Variants in PCSK1 observed in about 807,000 individuals in gnomAD.
The protein encoded by PCSK1 is proprotein convertase subtilisin/kexin type 1.
Under a neutral mutation model 90.6 loss-of-function variants are expected in PCSK1, and 56 were observed. That is an observed-to-expected ratio of 0.62 (90% confidence interval 0.50 to 0.77). The LOEUF is 0.77. Among genes scored for constraint, PCSK1 ranks in the 30% least tolerant of loss-of-function variants. The probability of loss-of-function intolerance (pLI) is 0.00; values close to 1 mark genes in which losing one functional copy is unlikely to be tolerated. For synonymous variants in PCSK1, 348 were observed against 342.4 expected (o/e 1.02, Z -0.18); for missense variants, 801 against 932.6 (o/e 0.86, Z 1.84).
At chr5:96,424,817 G>T (rs1367436182) in intron 3 of PCSK1, among the ~76,000 whole-genome samples, 1 of 151,934 alleles carries the variant, frequency 6.6e-6, no homozygotes, top group East Asian at 1.9e-4. Flanking sequence ...ACAAAAATTA[G>T]CTGGGCATGG....
intron 3 of PCSK1, among the ~76,000 whole-genome samples, chr5:96,424,346 T>C (rs919625749): frequency 6.6e-6 from 1 of 152,128 alleles, no homozygotes; most frequent in Non-Finnish European, 1.5e-5. Flanking sequence ...TGTACACAGA[T>C]TGTTGGCCAA....
At chr5:96,405,724 A>C (rs144729416) in intron 9 of PCSK1, among the ~76,000 whole-genome samples, 1 of 152,204 alleles carries the variant, frequency 6.6e-6, no homozygotes, top group Non-Finnish European at 1.5e-5. Context: ...ATTTTCCACT[A>C]TACAGAAAAA....
At chr5:96,400,854 G>A (rs1225730426) in intron 9 of PCSK1, among the ~76,000 whole-genome samples, 2 of 123,914 alleles carry the variant, frequency 1.6e-5, no homozygotes, top group Admixed American at 7.4e-5. Flanking sequence ...TTGGGAGGCC[G>A]AGGCGGGCGG....
At chr5:96,395,628 A>ACC (rs557438116) in intron 12 of PCSK1, among the ~76,000 whole-genome samples, 2,562 of 152,198 alleles carry the variant, frequency 0.017, 79 homozygotes, top group African/African-American at 0.058. Context: ...AACATCACAC[A>ACC]ATGGGCCTGT....
At chr5:96,421,856 TCA>T in intron 5 of PCSK1, 22 bp downstream of exon 5, 1 of 1,242,100 alleles carries the variant, frequency 8.1e-7, no homozygotes, top group Non-Finnish European at 1.2e-6. Context: ...GTACTTTATT[TCA>T]CACAAATGCA....
Position 96,429,273 on chromosome 5 carries a change from G to A in PCSK1, c.225C>T (p.His75=). The change falls in exon 2 of 14, where the codon CAC becomes CAT. Residue 75 remains histidine, a synonymous_variant. Coordinates refer to ENST00000311106, the MANE Select transcript of PCSK1 (RefSeq NM_000439.5). ...AGGCACTCCTTCGAGACCTTCTGGG[G>A]TGGTTTTTATGTTTGAATAAGTAGT... ...ENHYLFKHKN[H]PRRSRRSAFH... The A allele has an allele frequency of 6.2e-7, 1 of 1,604,064 alleles. No homozygotes were observed. The highest frequency in any genetic ancestry group is 8.5e-7 in the Non-Finnish European group (1 of 1,171,062).
chr5:96,405,099 G>C (rs912656270), intron 9 of PCSK1, among the ~76,000 whole-genome samples: 3 of 152,156 alleles, frequency 2.0e-5, no homozygotes, highest in Non-Finnish European at 4.4e-5. Context: ...CAATTGAATA[G>C]AGTTCAGAAA....
chr5:96,412,888 T>TTGGGGGG, intron 6 of PCSK1: 1 of 359,504 alleles, frequency 2.8e-6, no homozygotes, highest in Non-Finnish European at 4.2e-6. Context: ...ACAAAATGTT[T>TTGGGGGG]GCCCTCCCTC....
At chr5:96,432,222 G>A in intron 1 of PCSK1, 1 of 1,102,110 alleles carries the variant, frequency 9.1e-7, no homozygotes. Context: ...TCCCTAGAGA[G>A]TCGCGGGGAT....
chr5:96,422,866 G>A (rs1761171078), intron 4 of PCSK1, among the ~76,000 whole-genome samples: 1 of 149,872 alleles, frequency 6.7e-6, no homozygotes, highest in Admixed American at 6.6e-5. Flanking sequence ...TAGGTGCATT[G>A]TGTGGTATTC....
At chr5:96,429,064 T>C in intron 2 of PCSK1, 149 bp downstream of exon 2, 1 of 587,436 alleles carries the variant, frequency 1.7e-6, no homozygotes, top group Non-Finnish European at 3.0e-6. Flanking sequence ...TATAATTTTA[T>C]GGAAAGAAAT....
At position 96,397,431 on chromosome 5, in the gene PCSK1, T is replaced by A; in HGVS notation, c.1627A>T (p.Thr543Ser). The change falls in exon 12 of 14, where the codon ACA becomes TCA. Residue 543 changes from threonine to serine, a missense_variant. Physicochemically the swap from Thr to Ser is moderately conservative, Grantham distance 58. Coordinates refer to ENST00000311106, the MANE Select transcript of PCSK1 (RefSeq NM_000439.5). Reference protein sequence around the residue: ...TVLLAERERDTSPNGFKNWDF... With the variant: ...TVLLAERERDSSPNGFKNWDF... ...CAATTCTTAAAGCCATTAGGAGATGTATCCCGTTCTCTTTCAGCCAAGAGC... is the reference window on the plus strand; with the variant it reads ...CAATTCTTAAAGCCATTAGGAGATGAATCCCGTTCTCTTTCAGCCAAGAGC... 1.2e-6 allele frequency: 2 copies of A among 1,612,588 alleles called. No homozygotes were observed. Among genetic ancestry groups the A allele is most frequent in the Non-Finnish European group, 1.7e-6 (2 of 1,178,582 alleles).
chr5:96,425,728 T>TAAA, intron 3 of PCSK1, 92 bp downstream of exon 3: 3 of 655,138 alleles, frequency 4.6e-6, no homozygotes, highest in Non-Finnish European at 5.4e-6. Flanking sequence ...TTCTCCATCA[T>TAAA]AAAAAAAAAA....
In PCSK1 at chr5:96,416,016, A is replaced by G. The variant is rs1265375081; in HGVS notation, c.709+17T>C. ...CACATTAAAATGCCAAGCTATAGGGACAATCCTCTGTTTTACCTCCAACTT... is the reference window on the plus strand; with the variant it reads ...CACATTAAAATGCCAAGCTATAGGGGCAATCCTCTGTTTTACCTCCAACTT... On this transcript the variant is annotated intron_variant, in intron 6 of 13. Coordinates refer to ENST00000311106, the MANE Select transcript of PCSK1 (RefSeq NM_000439.5). 1.3e-6 allele frequency: 2 copies of G among 1,517,642 alleles called. No individual in the cohort carries two copies. The highest frequency in any genetic ancestry group is 1.4e-5 in the African/African-American group (1 of 73,148). 94.0% of individuals were successfully genotyped at this position (1,517,642 alleles called of 1,614,324 possible).
In PCSK1 at chr5:96,412,345, C is replaced by G; in HGVS notation, c.855G>C (p.Gln285His). The change falls in exon 7 of 14, where the codon CAG (glutamine) becomes CAC (histidine). Residue 285 changes from glutamine to histidine, a missense_variant. By Grantham distance (24) the Gln-to-His change is conservative. Transcript: ENST00000311106. ...KTVEGPGRLAQKAFEYGVKQG... is the reference protein window; with the variant it reads ...KTVEGPGRLAHKAFEYGVKQG... Reference sequence around the variant, plus strand: ...GTTTGACACCATATTCAAAAGCCTTCTGGGCTAGCCGGCCAGGCCCCTCCA... The same window carrying G: ...GTTTGACACCATATTCAAAAGCCTTGTGGGCTAGCCGGCCAGGCCCCTCCA... 6.2e-7 allele frequency: 1 copy of G among 1,614,186 alleles called. No homozygotes were observed. The highest frequency in any genetic ancestry group is 8.5e-7 in the Non-Finnish European group (1 of 1,180,026).
At chr5:96,398,147 T>A (rs942602817) in intron 11 of PCSK1, among the ~76,000 whole-genome samples, 1 of 152,146 alleles carries the variant, frequency 6.6e-6, no homozygotes, top group Non-Finnish European at 1.5e-5. Context: ...TTCCAATACA[T>A]CTAGAAAGCA....
Position 96,416,136 on chromosome 5 carries a change from A to G in PCSK1, c.621-15T>C. 6.5e-7 allele frequency: 1 copy of G among 1,537,406 alleles called. No homozygotes were observed. The highest frequency in any genetic ancestry group is 9.0e-7 in the Non-Finnish European group (1 of 1,110,130). ...TGGTCCCGTGTCTGAGGATTGAAAA[A>G]TAAGAATTATAAAACATACAGAAGA... On this transcript the variant is annotated splice_polypyrimidine_tract_variant and intron_variant, in intron 5 of 13. Transcript: ENST00000311106.
intron 5 of PCSK1, among the ~76,000 whole-genome samples, chr5:96,419,639 C>G (rs1228482109): frequency 6.6e-6 from 1 of 151,846 alleles, no homozygotes; most frequent in African/African-American, 2.4e-5. Flanking sequence ...ATGACATGCT[C>G]TCTCAATGCT....
chr5:96,401,060 C>T (rs1580747774), intron 9 of PCSK1, among the ~76,000 whole-genome samples: 1 of 121,584 alleles, frequency 8.2e-6, no homozygotes, highest in Admixed American at 9.6e-5. Flanking sequence ...GCAATCCGGC[C>T]TGGGCTAAAG....
Sources: gnomAD v4.1 joint callset for allele counts (sites outside exome capture counted in the v4.1 genomes callset) on GRCh38, gnomAD v4.1.1 for gene constraint, MANE v1.5 for transcripts, NCBI Gene and HGNC (gene_info 2026-07-23, HGNC 2026-07-21) for gene names.